The following ZCCHC14 variants were observed in gnomAD, a reference collection of about 807,000 sequenced individuals.
ZCCHC14 encodes zinc finger CCHC-type containing 14, also known as zinc finger CCHC domain-containing protein 14.
A neutral mutation model predicts 85.0 loss-of-function variants in ZCCHC14; 16 were observed. The observed-to-expected ratio is 0.19, with a 90% confidence interval of 0.13 to 0.29. ZCCHC14 has a LOEUF of 0.29. Ranked by LOEUF, ZCCHC14 falls within the 10% of genes least tolerant of loss-of-function variation. The probability of loss-of-function intolerance (pLI) is 1.00; values close to 1 mark genes in which losing one functional copy is unlikely to be tolerated. For missense variants in ZCCHC14, 1,303 were observed against 1,443.5 expected (o/e 0.90, Z 1.58); for synonymous variants, 775 against 630.7 (o/e 1.23, Z -3.43).
intron 10 of ZCCHC14, among the ~76,000 whole-genome samples, chr16:87,413,609 T>C (rs559928618): frequency 1.3e-5 from 2 of 152,122 alleles, no homozygotes; most frequent in Admixed American, 1.3e-4. Context: ...GCTCCTCCGA[T>C]TTCTATTGTG....
chr16:87,453,820 T>C (rs78890273), intron 2 of ZCCHC14, among the ~76,000 whole-genome samples: 2,465 of 152,282 alleles, frequency 0.016, 25 homozygotes, highest in Middle Eastern at 0.048. Context: ...GAAAACGCGA[T>C]GAATGGACAC....
Position 87,411,943 on chromosome 16 carries a change from C to A in ZCCHC14, c.2778G>T (p.Thr926=). ...CGCAGCTGCCGCTGCAGCCACAGGA[C>A]GTGCACACAATGCAGCCTGGCGGGG... The part of the protein sequence containing the change: ...APPPPGCIVC[T]SCGCSGSCGS... The change falls in exon 12 of 13, where the codon ACG becomes ACT. Residue 926 remains threonine, a synonymous_variant. Transcript: ENST00000671377. The A allele has an allele frequency of 6.2e-7, 1 of 1,606,778 alleles. No homozygotes were observed.
chr16:87,433,362 G>A (rs1156730237), intron 2 of ZCCHC14, among the ~76,000 whole-genome samples, 161 bp from the exon 3 acceptor site: 3 of 152,240 alleles, frequency 2.0e-5, no homozygotes, highest in Admixed American at 1.3e-4. Context: ...GCCCAGAGAG[G>A]AAGGCGGGCG....
chr16:87,451,060 G>A (rs1282325413), intron 2 of ZCCHC14, among the ~76,000 whole-genome samples: 4 of 149,212 alleles, frequency 2.7e-5, no homozygotes, highest in East Asian at 2.1e-4. Flanking sequence ...CACCATGCCC[G>A]GCTAATTTTT....
At chr16:87,430,339 T>A (rs1033171158) in intron 3 of ZCCHC14, among the ~76,000 whole-genome samples, 1 of 152,186 alleles carries the variant, frequency 6.6e-6, no homozygotes, top group East Asian at 1.9e-4. Flanking sequence ...CCTGTGCGTG[T>A]GAGTCTGTCT....
intron 1 of ZCCHC14, among the ~76,000 whole-genome samples, chr16:87,477,144 AAACAAAAC>A (rs1912053109): frequency 1.9e-5 from 2 of 103,914 alleles, no homozygotes; most frequent in Admixed American, 1.2e-4. Context: ...AAAAAAAACA[AAACAAAAC>A]CAAAAAAAAA....
chr16:87,447,401 G>T (rs1220041316), intron 2 of ZCCHC14, among the ~76,000 whole-genome samples: 2 of 152,108 alleles, frequency 1.3e-5, no homozygotes, highest in Non-Finnish European at 2.9e-5. Context: ...ATGCCCATGT[G>T]ATCACTAATC....
chr16:87,462,700 C>A (rs967202698), intron 1 of ZCCHC14, among the ~76,000 whole-genome samples: 3 of 151,068 alleles, frequency 2.0e-5, no homozygotes, highest in African/African-American at 7.3e-5. Flanking sequence ...AGATCGCGCC[C>A]CAGCACTCCA....
At position 87,459,993 on chromosome 16, in the gene ZCCHC14, C is replaced by G. The variant is rs746511480; in HGVS notation, c.694+15G>C. ...GTCCGTCAGACGTCCTCCTGAAACC[C>G]GTGCGTGCACTCACCTTTGCTGTGT... On this transcript the variant is annotated intron_variant, in intron 2 of 12. Coordinates refer to ENST00000671377, the MANE Select transcript of ZCCHC14 (RefSeq NM_015144.3). 130 of 1,613,904 alleles carry G rather than the reference C, an allele frequency of 8.1e-5. No individual in the cohort carries two copies. Among genetic ancestry groups the G allele is most frequent in the Middle Eastern group, 1.6e-4 (1 of 6,084 alleles).
chr16:87,413,336 GC>G, intron 10 of ZCCHC14, 141 bp from the exon 11 acceptor site: 2 of 1,233,540 alleles, frequency 1.6e-6, no homozygotes, highest in Non-Finnish European at 2.2e-6. Context: ...GAACACGCCG[GC>G]CCAGGCCGCA....
intron 11 of ZCCHC14, 34 bp from the exon 12 acceptor site, chr16:87,413,010 C>T (rs1191100605): frequency 6.2e-7 from 1 of 1,614,040 alleles, no homozygotes; most frequent in Non-Finnish European, 8.5e-7. Context: ...CAGTGCCATT[C>T]CACAGCTGGG....
Position 87,407,829 on chromosome 16 carries a change from T to G in ZCCHC14, c.*2451A>C, listed in dbSNP as rs758871471. On this transcript the variant is annotated 3_prime_UTR_variant, in exon 13 of 13. Transcript: ENST00000671377. ...CCGACCTTGGTGGCTTTTGGAGAGA[T>G]GCATCCGAGCTCGCTGCTGGCAAAC... 2 of 152,634 alleles carry G rather than the reference T, an allele frequency of 1.3e-5. No homozygotes were observed. Among genetic ancestry groups the G allele is most frequent in the Non-Finnish European group, 2.9e-5 (2 of 68,054 alleles). 9.5% of individuals were successfully genotyped at this position (152,634 alleles called of 1,614,324 possible).
chr16:87,440,572 C>T (rs1463494176), intron 2 of ZCCHC14, among the ~76,000 whole-genome samples: 1 of 152,134 alleles, frequency 6.6e-6, no homozygotes, highest in Admixed American at 6.6e-5. Flanking sequence ...CTGGCCACAT[C>T]CCAGACTATG....
intron 2 of ZCCHC14, among the ~76,000 whole-genome samples, chr16:87,444,419 G>A (rs1910334953): frequency 6.6e-6 from 1 of 152,088 alleles, no homozygotes; most frequent in Non-Finnish European, 1.5e-5. Context: ...GAATAAAACA[G>A]GAAACAATAA....
chr16:87,437,765 G>A (rs549000453), intron 2 of ZCCHC14, among the ~76,000 whole-genome samples: 21 of 152,310 alleles, frequency 1.4e-4, no homozygotes, highest in Non-Finnish European at 1.9e-4. Flanking sequence ...CACAGCCTTC[G>A]ATAAAATGTA....
rs1908303285 is a variant in ZCCHC14 at position 87,408,566 on chromosome 16, C to T, written c.*1714G>A. 1 of 152,572 alleles carries T rather than the reference C, an allele frequency of 6.6e-6. No individual in the cohort carries two copies. The highest frequency in any genetic ancestry group is 1.5e-5 in the Non-Finnish European group (1 of 68,042). The allele number at this position is 152,572 out of a possible 1,614,324, so 9.5% of individuals were successfully genotyped here. ...GCTGTTGTAATAAGCATCACCATTA[C>T]TTCAACACTGTAATACTGTGTACCA... On this transcript the variant is annotated 3_prime_UTR_variant, in exon 13 of 13. Transcript: ENST00000671377.
intron 1 of ZCCHC14, chr16:87,467,060 TTTA>T: frequency 2.2e-6 from 1 of 453,930 alleles, no homozygotes; most frequent in Non-Finnish European, 3.9e-6. Flanking sequence ...TTTTTTTTTT[TTTA>T]CTAAAGAGAC....
intron 2 of ZCCHC14, among the ~76,000 whole-genome samples, chr16:87,458,392 T>TCAACCAAGAGCCACAGACC (rs1911081478): frequency 6.6e-6 from 1 of 152,120 alleles, no homozygotes; most frequent in Non-Finnish European, 1.5e-5. Context: ...GTGAAGACGC[T>TCAACCAAGAGCCACAGACC]CAACCAAGAG....
At chr16:87,411,394 C>CA in intron 12 of ZCCHC14, 122 bp downstream of exon 12, 2 of 1,520,156 alleles carry the variant, frequency 1.3e-6, no homozygotes. Flanking sequence ...CACGCGCTTT[C>CA]AAAGAGCATT....
Sources: allele counts gnomAD v4.1 joint callset (sites outside exome capture counted in the v4.1 genomes callset), GRCh38; gene constraint gnomAD v4.1.1; transcripts MANE v1.5; gene names NCBI Gene and HGNC (gene_info 2026-07-23, HGNC 2026-07-21).